STAMBPL1: variants seen among roughly 807,000 people sequenced by gnomAD.
STAMBPL1 encodes the protein AMSH-like protease.
Under a neutral mutation model 52.9 loss-of-function variants are expected in STAMBPL1, and 44 were observed. The ratio of observed to expected loss-of-function variants is 0.83; its 90% CI spans 0.65 to 1.07. STAMBPL1 has a LOEUF of 1.07. STAMBPL1 is among the 50% of genes least tolerant of loss of function. The probability of loss-of-function intolerance (pLI) is 0.00; values close to 1 mark genes in which losing one functional copy is unlikely to be tolerated. For synonymous variants in STAMBPL1, 164 were observed against 177.3 expected (o/e 0.92, Z 0.60); for missense variants, 511 against 520.8 (o/e 0.98, Z 0.18).
intron 1 of STAMBPL1, among the ~76,000 whole-genome samples, chr10:88,900,500 A>G (rs1844918351): frequency 6.6e-6 from 1 of 152,216 alleles, no homozygotes; most frequent in South Asian, 2.1e-4. Flanking sequence ...TCTCAACTAT[A>G]AAATAAAGAT....
intron 9 of STAMBPL1, among the ~76,000 whole-genome samples, 186 bp from the exon 10 acceptor site, chr10:88,922,151 G>A (rs927484862): frequency 6.6e-6 from 1 of 151,884 alleles, no homozygotes; most frequent in African/African-American, 2.4e-5. Context: ...CAGCAGCATT[G>A]CCTCCTCCTG....
chr10:88,900,912 A>C (rs1485547962), intron 1 of STAMBPL1, among the ~76,000 whole-genome samples: 2 of 152,170 alleles, frequency 1.3e-5, no homozygotes, highest in African/African-American at 4.8e-5. Flanking sequence ...TGGCAGAATT[A>C]ATTTCCTTGC....
intron 4 of STAMBPL1, 116 bp from the exon 5 acceptor site, chr10:88,910,800 G>A: frequency 1.6e-6 from 1 of 618,306 alleles, no homozygotes; most frequent in South Asian, 2.1e-5. Flanking sequence ...CATCATCTTT[G>A]GTTACTCATG....
chr10:88,923,108 C>A, intron 10 of STAMBPL1, 60 bp from the exon 11 acceptor site: 3 of 1,228,548 alleles, frequency 2.4e-6, no homozygotes, highest in South Asian at 2.7e-5. Flanking sequence ...TAAAGAAAAT[C>A]ATATGGTAAA....
chr10:88,911,064 T>G, intron 5 of STAMBPL1, 53 bp downstream of exon 5: 1 of 1,204,886 alleles, frequency 8.3e-7, no homozygotes, highest in Non-Finnish European at 1.2e-6. Flanking sequence ...CAAGTATTTT[T>G]TGAATTTCAT....
intron 2 of STAMBPL1, among the ~76,000 whole-genome samples, chr10:88,904,686 C>T (rs12262461): frequency 0.054 from 8,195 of 152,180 alleles, 559 homozygotes; most frequent in African/African-American, 0.16. Flanking sequence ...TTCTGAATTG[C>T]ATATGTTCTA....
rs544625730 is a variant in STAMBPL1 at position 88,903,388 on chromosome 10, G to A, written c.30+1650G>A. ...GATATACCTATTAATCATCACTTAT[G>A]TGGCAGGGAATATGCTACATTCTAG... On this transcript the variant is annotated intron_variant, in intron 2 of 10. Coordinates refer to ENST00000371926, the MANE Select transcript of STAMBPL1 (RefSeq NM_020799.4). Among the ~76,000 whole-genome samples, 5 of 152,254 alleles carry A rather than the reference G, an allele frequency of 3.3e-5. No individual in the cohort carries two copies. The South Asian group carries it at 6.2e-4, about 19-fold the overall frequency.
intron 1 of STAMBPL1, 142 bp from the exon 2 acceptor site, chr10:88,901,514 A>T (rs746206505): frequency 1.7e-5 from 7 of 418,256 alleles, no homozygotes; most frequent in Non-Finnish European, 3.0e-5. Flanking sequence ...AGAGATTTCC[A>T]ACAGTCTCTC....
intron 9 of STAMBPL1, 80 bp downstream of exon 9, chr10:88,921,475 G>A (rs1485653602): frequency 8.7e-7 from 1 of 1,145,176 alleles, no homozygotes; most frequent in Non-Finnish European, 1.3e-6. Flanking sequence ...ACACCAGGTT[G>A]TGGTACTTGG....
At chr10:88,900,102 C>A (rs936243920) in intron 1 of STAMBPL1, among the ~76,000 whole-genome samples, 2 of 152,098 alleles carry the variant, frequency 1.3e-5, no homozygotes, top group Non-Finnish European at 2.9e-5. Flanking sequence ...AATGTTTACC[C>A]CAGGGATTAC....
Position 88,905,650 on chromosome 10 carries a change from A to G in STAMBPL1, c.238A>G (p.Lys80Glu). The G allele has an allele frequency of 6.2e-7, 1 of 1,612,944 alleles. No individual in the cohort carries two copies. ...NLENAFVLYNKFITLFVEKLP... is the reference protein window; with the variant it reads ...NLENAFVLYNEFITLFVEKLP... ...GGAAAATGCCTTTGTTCTTTATAAT[A>G]AATTTATAACGTAAGTGTTTTAAAG... Residue 80 changes from lysine (K) to glutamate (E), a missense_variant, in exon 3 of 11, where the codon AAA becomes GAA. Physicochemically the swap from Lys to Glu is moderately conservative, Grantham distance 56 (BLOSUM62 1). Coordinates refer to ENST00000371926, the MANE Select transcript of STAMBPL1 (RefSeq NM_020799.4).
intron 4 of STAMBPL1, among the ~76,000 whole-genome samples, chr10:88,910,067 G>A (rs1011398824): frequency 6.6e-6 from 1 of 152,056 alleles, no homozygotes. Flanking sequence ...TTAGGGTTAT[G>A]CTTATTTTTT....
At chr10:88,902,519 TAAAG>T (rs1482464524) in intron 2 of STAMBPL1, among the ~76,000 whole-genome samples, 1 of 151,990 alleles carries the variant, frequency 6.6e-6, no homozygotes, top group Non-Finnish European at 1.5e-5. Context: ...CACCAGGACA[TAAAG>T]AAAGAGAGGG....
intron 2 of STAMBPL1, among the ~76,000 whole-genome samples, chr10:88,902,195 C>T (rs1252749785): frequency 6.6e-6 from 1 of 152,208 alleles, no homozygotes; most frequent in Non-Finnish European, 1.5e-5. Flanking sequence ...TCTCACTTTT[C>T]CCCTCACTGC....
intron 7 of STAMBPL1, among the ~76,000 whole-genome samples, chr10:88,916,233 A>G (rs1455281775): frequency 2.0e-5 from 3 of 151,882 alleles, no homozygotes; most frequent in Admixed American, 6.6e-5. Context: ...AAAACCATCA[A>G]CCTTCACAAC....
intron 1 of STAMBPL1, among the ~76,000 whole-genome samples, chr10:88,889,890 T>C (rs2133127900): frequency 6.6e-6 from 1 of 152,352 alleles, no homozygotes; most frequent in East Asian, 1.9e-4. Flanking sequence ...TCTTTTAATC[T>C]GCAATAGTTC....
chr10:88,884,360 G>T (rs1422785669), intron 1 of STAMBPL1, among the ~76,000 whole-genome samples: 1 of 152,158 alleles, frequency 6.6e-6, no homozygotes. Context: ...CTTGAAAGGT[G>T]GGGGTGGAAT....
intron 10 of STAMBPL1, 86 bp from the exon 11 acceptor site, chr10:88,923,082 A>C: frequency 3.3e-6 from 3 of 895,740 alleles, no homozygotes; most frequent in Non-Finnish European, 5.2e-6. Flanking sequence ...AAATTAGGAA[A>C]TCTATACTTC....
intron 2 of STAMBPL1, among the ~76,000 whole-genome samples, chr10:88,904,960 T>C (rs1766883331): frequency 6.6e-6 from 1 of 152,092 alleles, no homozygotes; most frequent in African/African-American, 2.4e-5. Context: ...TGAAAATTTC[T>C]TACTAAACAA....
Sources: allele counts gnomAD v4.1 joint callset (sites outside exome capture counted in the v4.1 genomes callset), GRCh38; gene constraint gnomAD v4.1.1; transcripts MANE v1.5; gene names NCBI Gene and HGNC (gene_info 2026-07-23, HGNC 2026-07-21).